MAST2: variants seen among roughly 807,000 people sequenced by gnomAD.
MAST2 encodes microtubule-associated serine/threonine-protein kinase 2.
MAST2 carries 70 observed loss-of-function variants against 147.4 expected under a neutral mutation model. The observed-to-expected ratio is 0.47, with a 90% CI of 0.39 to 0.58. The LOEUF (loss-of-function observed/expected upper bound fraction) is 0.58, where lower values mean the gene tolerates loss of function less well. Ranked by LOEUF, MAST2 falls within the 20% of genes least tolerant of loss-of-function variation. MAST2 has a pLI of 0.00. For missense variants in MAST2, 2,080 were observed against 2,302.3 expected, an observed-to-expected ratio of 0.90 and a Z score of 1.98; for synonymous variants, 869 against 896.8, an observed-to-expected ratio of 0.97 and a Z score of 0.55.
At chr1:45,970,832 A>G (rs1160273806) in intron 5 of MAST2, among the ~76,000 whole-genome samples, 1 of 116,996 alleles carries the variant, frequency 8.5e-6, no homozygotes, top group Non-Finnish European at 1.7e-5. Context: ...CAGTTTGTTC[A>G]GCTTTTTACT....
chr1:45,875,000 A>G (rs1646540188), intron 3 of MAST2, among the ~76,000 whole-genome samples: 1 of 152,218 alleles, frequency 6.6e-6, no homozygotes, highest in African/African-American at 2.4e-5. Context: ...AAGCATGGCA[A>G]GTCTGAGTCC....
chr1:45,894,209 G>C (rs1039771078), intron 4 of MAST2, among the ~76,000 whole-genome samples: 1 of 141,956 alleles, frequency 7.0e-6, no homozygotes, highest in Non-Finnish European at 1.5e-5. Context: ...GTGAGACCCT[G>C]TCTCAAATTA....
At chr1:45,955,005 T>C (rs1192585006) in intron 4 of MAST2, among the ~76,000 whole-genome samples, 1 of 150,232 alleles carries the variant, frequency 6.7e-6, no homozygotes, top group Non-Finnish European at 1.5e-5. Flanking sequence ...TTTATTTTAA[T>C]CCTTGTAACA....
At chr1:45,965,954 A>G (rs1201466138) in intron 5 of MAST2, among the ~76,000 whole-genome samples, 1 of 152,166 alleles carries the variant, frequency 6.6e-6, no homozygotes, top group African/African-American at 2.4e-5. Context: ...TCTGGGCAAC[A>G]TTATCATTTA....
Position 46,006,341 on chromosome 1 carries a change from C to A in MAST2, c.848C>A (p.Pro283Gln). 6.2e-7 allele frequency: 1 copy of A among 1,613,944 alleles called. No individual in the cohort carries two copies. The highest frequency in any genetic ancestry group is 8.5e-7 in the Non-Finnish European group (1 of 1,179,910). Residue 283 changes from proline to glutamine, a missense_variant, in exon 8 of 29, where the codon CCA becomes CAA. Around this residue, in one of 4 missense-constraint regions of MAST2, gnomAD observed 569 missense variants for 642.5 expected, o/e 0.89. Coordinates refer to ENST00000361297, the MANE Select transcript of MAST2 (RefSeq NM_015112.3). ...AAGCATTTCAGCACAGAGAGCGTAC[C>A]AGATGAGGAAGGACGGCAGTCCCCA... ...LTKHFSTESV[P>Q]DEEGRQSPAM... is the part of the protein sequence containing the mutation.
chr1:45,830,265 C>G (rs1644915548), intron 3 of MAST2, among the ~76,000 whole-genome samples: 1 of 144,556 alleles, frequency 6.9e-6, no homozygotes, highest in Non-Finnish European at 1.5e-5. Context: ...ACCTCTGTCT[C>G]CCAGGTTCAA....
intron 3 of MAST2, among the ~76,000 whole-genome samples, chr1:45,877,306 G>A (rs1423529604): frequency 2.0e-5 from 3 of 152,020 alleles, no homozygotes; most frequent in African/African-American, 7.3e-5. Flanking sequence ...TGGCCAAGCT[G>A]ACCTCAGACT....
chr1:45,912,573 C>A (rs1177533036), intron 4 of MAST2, among the ~76,000 whole-genome samples: 1 of 152,154 alleles, frequency 6.6e-6, no homozygotes, highest in Non-Finnish European at 1.5e-5. Context: ...TGAGTTAGTC[C>A]TTTGAACATT....
intron 3 of MAST2, among the ~76,000 whole-genome samples, chr1:45,841,063 G>C (rs1225968200): frequency 2.0e-5 from 3 of 152,064 alleles, no homozygotes. Flanking sequence ...TTCTGCCTCA[G>C]GCTGCTCCCT....
Position 45,863,138 on chromosome 1 carries a change from T to A in MAST2, c.469-19226T>A, listed in dbSNP as rs1646034703. 2.0e-5 allele frequency among the ~76,000 whole-genome samples: 3 copies of A among 152,234 alleles called. No homozygotes were observed. In the South Asian group the frequency reaches 6.2e-4, roughly 32 times the overall value. On this transcript the variant is annotated intron_variant, in intron 3 of 28. Coordinates refer to ENST00000361297, the MANE Select transcript of MAST2 (RefSeq NM_015112.3). The stretch of plus-strand genomic sequence containing the variant: ...ATGAATAAAGAGTTTGAATTTTGAA[T>A]CTTTTGTCTGAATAGCTTCTCAGAA...
chr1:45,839,495 A>AATCCTGTACTCAAGCAATC (rs1180092235), intron 3 of MAST2, among the ~76,000 whole-genome samples: 3 of 151,776 alleles, frequency 2.0e-5, no homozygotes, highest in South Asian at 4.2e-4. Flanking sequence ...CTGGTCTTGG[A>AATCCTGTACTCAAGCAATC]CTCCTGTACT....
chr1:45,808,645 T>G (rs1644208198), intron 1 of MAST2, among the ~76,000 whole-genome samples: 2 of 152,208 alleles, frequency 1.3e-5, no homozygotes, highest in South Asian at 4.1e-4. Flanking sequence ...TTTATAAACT[T>G]TAGTCTTGGT....
chr1:45,808,402 T>C (rs1001361583), intron 1 of MAST2, among the ~76,000 whole-genome samples: 2 of 152,068 alleles, frequency 1.3e-5, no homozygotes, highest in African/African-American at 4.8e-5. Flanking sequence ...AGAGATGGGG[T>C]TTCACTGTGT....
intron 4 of MAST2, among the ~76,000 whole-genome samples, chr1:45,912,360 AAC>A (rs1387300807): frequency 1.3e-5 from 2 of 152,246 alleles, no homozygotes; most frequent in African/African-American, 4.8e-5. Flanking sequence ...GGATGTCATA[AAC>A]ACACATTTCA....
At chr1:45,986,027 A>G (rs1054312271) in intron 5 of MAST2, among the ~76,000 whole-genome samples, 2 of 152,218 alleles carry the variant, frequency 1.3e-5, no homozygotes, top group African/African-American at 2.4e-5. Context: ...GTCCATGAAG[A>G]AAGACAACTT....
chr1:45,839,160 GCT>G (rs1469156389), intron 3 of MAST2, among the ~76,000 whole-genome samples: 1 of 122,464 alleles, frequency 8.2e-6, no homozygotes, highest in Non-Finnish European at 1.7e-5. Context: ...ACGGAGTCTC[GCT>G]CTGTTTGCCA....
At chr1:45,921,813 G>T (rs564158319) in intron 4 of MAST2, among the ~76,000 whole-genome samples, 2 of 151,286 alleles carry the variant, frequency 1.3e-5, no homozygotes, top group Admixed American at 6.6e-5. Flanking sequence ...CCTTCTTGTC[G>T]CCCACAATGT....
intron 16 of MAST2, among the ~76,000 whole-genome samples, chr1:46,026,564 G>C (rs1277856613): frequency 1.3e-5 from 2 of 152,180 alleles, no homozygotes; most frequent in Non-Finnish European, 2.9e-5. Flanking sequence ...CTCTGCCGGT[G>C]AAAAGAGACA....
intron 12 of MAST2, among the ~76,000 whole-genome samples, chr1:46,022,420 C>T (rs1646226640): frequency 6.6e-6 from 1 of 152,232 alleles, no homozygotes; most frequent in African/African-American, 2.4e-5. Context: ...TCTTGGCCAC[C>T]TTACAGGTCT....
Sources: gnomAD v4.1 joint callset for allele counts (sites outside exome capture counted in the v4.1 genomes callset) on GRCh38, gnomAD v4.1.1 for gene constraint, gnomAD v4.1.1 regional missense constraint, MANE v1.5 for transcripts, NCBI Gene and HGNC (gene_info 2026-07-23, HGNC 2026-07-21) for gene names.